Variants in MCTP1 observed in about 807,000 individuals in gnomAD.
MCTP1 encodes multiple C2 and transmembrane domain-containing protein 1.
In MCTP1, 69 loss-of-function variants were observed where a neutral mutation model predicts 120.6. The ratio of observed to expected loss-of-function variants is 0.57; its 90% CI spans 0.47 to 0.70. The LOEUF (loss-of-function observed/expected upper bound fraction) is 0.70. Ranked by LOEUF, MCTP1 falls within the 30% of genes least tolerant of loss-of-function variation. The pLI, the probability that MCTP1 is intolerant of heterozygous loss-of-function variation, is 0.00. For missense variants in MCTP1, 1,203 were observed against 1,248.8 expected (o/e 0.96, Z 0.55); for synonymous variants, 529 against 493.1 (o/e 1.07, Z -0.96).
At chr5:94,779,029 C>T (rs1177230527) in intron 19 of MCTP1, 81 bp downstream of exon 19, 2 of 1,318,246 alleles carry the variant, frequency 1.5e-6, no homozygotes, top group Non-Finnish European at 2.2e-6. Flanking sequence ...ACTTCAACTC[C>T]TTTTTTAACT....
intron 20 of MCTP1, among the ~76,000 whole-genome samples, chr5:94,713,453 G>A (rs1645741761): frequency 1.3e-5 from 2 of 152,050 alleles, no homozygotes; most frequent in African/African-American, 4.8e-5. Context: ...TTCCTCTCAG[G>A]CATTCACTGC....
At chr5:95,178,846 A>G (rs1267284151) in intron 1 of MCTP1, among the ~76,000 whole-genome samples, 1 of 152,242 alleles carries the variant, frequency 6.6e-6, no homozygotes, top group Non-Finnish European at 1.5e-5. Context: ...ATTGCCAGAA[A>G]AAGAATTCAG....
In MCTP1 at chr5:94,782,908, G is replaced by A. The variant is rs137997307; in HGVS notation, c.2557-3745C>T. Among the ~76,000 whole-genome samples the A allele has an allele frequency of 3.8e-3, 571 of 152,106 alleles. 3 individuals are homozygous for A. The highest frequency in any genetic ancestry group is 5.7e-3 in the Non-Finnish European group (388 of 67,948). ...CGGTTTTTTCTCTTTTTTCTTAAGG[G>A]GGAATATCACAGATCGGCTCTAGAA... On this transcript the variant is annotated intron_variant, in intron 18 of 22. Coordinates refer to ENST00000515393, the MANE Select transcript of MCTP1 (RefSeq NM_024717.7).
chr5:95,237,672 T>G (rs896022161), intron 1 of MCTP1, among the ~76,000 whole-genome samples: 5 of 152,170 alleles, frequency 3.3e-5, no homozygotes, highest in African/African-American at 1.2e-4. Flanking sequence ...GCTCACTAAC[T>G]CCTTTGATTC....
chr5:95,195,919 A>T lies in MCTP1; in HGVS notation c.720+87937T>A, dbSNP rs551924331. Among the ~76,000 whole-genome samples, 5 of 152,332 alleles carry T rather than the reference A, an allele frequency of 3.3e-5. No individual in the cohort carries two copies. The East Asian group carries it at 9.7e-4, about 29-fold the overall frequency. On this transcript the variant is annotated intron_variant, in intron 1 of 22. Coordinates refer to ENST00000515393, the MANE Select transcript of MCTP1 (RefSeq NM_024717.7). Reference sequence around the variant, plus strand: ...CCAAGACTTATTTTATTAAGCACACATTCCTGGGAAGGTGATAAAGCTAGC... The same window carrying T: ...CCAAGACTTATTTTATTAAGCACACTTTCCTGGGAAGGTGATAAAGCTAGC...
chr5:95,187,824 T>G (rs547369803), intron 1 of MCTP1, among the ~76,000 whole-genome samples: 1 of 152,152 alleles, frequency 6.6e-6, no homozygotes, highest in Non-Finnish European at 1.5e-5. Context: ...AGGGTGACTA[T>G]AGTCAATATT....
At chr5:95,042,956 G>A (rs1167830051) in intron 1 of MCTP1, among the ~76,000 whole-genome samples, 1 of 151,970 alleles carries the variant, frequency 6.6e-6, no homozygotes, top group African/African-American at 2.4e-5. Context: ...AAGGAATTTT[G>A]TCTTATGTAG....
intron 17 of MCTP1, among the ~76,000 whole-genome samples, chr5:94,859,177 C>A (rs1795262134): frequency 6.6e-6 from 1 of 151,632 alleles, no homozygotes; most frequent in Non-Finnish European, 1.5e-5. Flanking sequence ...AAAGTGCACA[C>A]TCAGTTAAGC....
At chr5:95,144,089 A>T (rs200796377) in intron 1 of MCTP1, among the ~76,000 whole-genome samples, 1 of 152,040 alleles carries the variant, frequency 6.6e-6, no homozygotes, top group Non-Finnish European at 1.5e-5. Context: ...TGACTTTTTA[A>T]TAAGTGTTAT....
At chr5:95,180,706 C>T (rs1246614956) in intron 1 of MCTP1, among the ~76,000 whole-genome samples, 1 of 152,106 alleles carries the variant, frequency 6.6e-6, no homozygotes, top group Non-Finnish European at 1.5e-5. Context: ...CAATGACTCC[C>T]AAATTTGTAT....
intron 19 of MCTP1, among the ~76,000 whole-genome samples, chr5:94,729,572 G>T (rs1762758059): frequency 6.6e-6 from 1 of 152,166 alleles, no homozygotes; most frequent in Non-Finnish European, 1.5e-5. Flanking sequence ...ATCCCCAAAA[G>T]AATGTGATTT....
chr5:95,145,450 G>A (rs756450877), intron 1 of MCTP1, among the ~76,000 whole-genome samples: 4 of 152,142 alleles, frequency 2.6e-5, no homozygotes, highest in Non-Finnish European at 5.9e-5. Flanking sequence ...AGTGGTGAAA[G>A]TGGGCATCCT....
chr5:94,811,283 G>A (rs1201056784), intron 17 of MCTP1, among the ~76,000 whole-genome samples: 1 of 152,180 alleles, frequency 6.6e-6, no homozygotes, highest in Non-Finnish European at 1.5e-5. Context: ...TGCACGGGAA[G>A]CCTAAAGGTT....
At chr5:95,126,028 T>A (rs74652784) in intron 1 of MCTP1, among the ~76,000 whole-genome samples, 1,719 of 152,266 alleles carry the variant, frequency 0.011, 33 homozygotes, top group African/African-American at 0.039. Flanking sequence ...TTAAAAAAAA[T>A]TTCAGTAAAG....
chr5:94,751,241 G>C (rs1033451068), intron 19 of MCTP1, among the ~76,000 whole-genome samples: 8 of 152,134 alleles, frequency 5.3e-5, no homozygotes, highest in African/African-American at 1.9e-4. Context: ...CTATGAGTTA[G>C]GGGTTTAAAC....
At chr5:95,277,290 A>T (rs1430616351) in intron 1 of MCTP1, among the ~76,000 whole-genome samples, 2 of 152,126 alleles carry the variant, frequency 1.3e-5, no homozygotes, top group African/African-American at 2.4e-5. Flanking sequence ...CTTAGTAGGT[A>T]CCACATCCTC....
At chr5:94,950,509 T>C (rs976217819) in intron 3 of MCTP1, among the ~76,000 whole-genome samples, 6 of 152,284 alleles carry the variant, frequency 3.9e-5, no homozygotes, top group Admixed American at 3.9e-4. Context: ...TGTACATTTA[T>C]AGTATATGTA....
At chr5:95,021,862 C>G (rs1838255551) in intron 1 of MCTP1, among the ~76,000 whole-genome samples, 1 of 151,960 alleles carries the variant, frequency 6.6e-6, no homozygotes, top group Admixed American at 6.6e-5. Context: ...ATGTGCATGC[C>G]TTTTAGTATT....
intron 21 of MCTP1, 87 bp downstream of exon 21, chr5:94,710,731 A>T: frequency 1.3e-6 from 1 of 780,722 alleles, no homozygotes; most frequent in Admixed American, 2.8e-5. Flanking sequence ...AAATACAGGG[A>T]ACTGCTGACA....
Sources: allele counts gnomAD v4.1 joint callset (sites outside exome capture counted in the v4.1 genomes callset), GRCh38; gene constraint gnomAD v4.1.1; transcripts MANE v1.5; gene names NCBI Gene and HGNC (gene_info 2026-07-23, HGNC 2026-07-21).